TSNARE1: variants seen among roughly 807,000 people sequenced by gnomAD.
The protein encoded by TSNARE1 is t-SNARE domain-containing protein 1.
A neutral mutation model predicts 62.0 loss-of-function variants in TSNARE1; 49 were observed. The observed-to-expected ratio is 0.79, with a 90% CI of 0.63 to 1.00. The LOEUF (loss-of-function observed/expected upper bound fraction) is 1.00. TSNARE1 is among the 50% of genes least tolerant of loss of function. The pLI, the probability that TSNARE1 is intolerant of heterozygous loss-of-function variation, is 0.00. For missense variants in TSNARE1, 755 were observed against 700.1 expected, an observed-to-expected ratio of 1.08 and a Z score of -0.88; for synonymous variants, 328 against 294.4, an observed-to-expected ratio of 1.11 and a Z score of -1.17.
chr8:142,362,229 G>A (rs1038318401), intron 1 of TSNARE1, among the ~76,000 whole-genome samples: 9 of 152,332 alleles, frequency 5.9e-5, no homozygotes, highest in Non-Finnish European at 1.0e-4. Context: ...ACTCCCAGGC[G>A]GGAAGAGACA....
intron 10 of TSNARE1, 36 bp from the exon 11 acceptor site, chr8:142,284,521 G>A: frequency 6.3e-7 from 1 of 1,580,504 alleles, no homozygotes; most frequent in Non-Finnish European, 8.7e-7. Flanking sequence ...CAGGAGCAGG[G>A]CTGTGGGGCA....
At chr8:142,274,716 G>T in intron 12 of TSNARE1, 65 bp downstream of exon 12, 1 of 1,423,972 alleles carries the variant, frequency 7.0e-7, no homozygotes, top group Non-Finnish European at 9.2e-7. Context: ...CAGACGGAGG[G>T]AGGGTTGGAG....
chr8:142,365,764 C>T, intron 1 of TSNARE1: 2 of 257,384 alleles, frequency 7.8e-6, no homozygotes, highest in South Asian at 3.3e-5. Flanking sequence ...AAATTATGTC[C>T]AAAAGTCCTA....
chr8:142,344,123 C>T lies in TSNARE1; in HGVS notation c.588G>A (p.Arg196=), dbSNP rs1340208022. ...HKWRDLRAVV[R]RKLGDLRKAA... is the part of the protein sequence containing the mutation. Reference sequence around the variant, plus strand: ...CCTTCCGGAGGTCGCCCAGCTTGCGCCGCACGACGGCTCGTAGGTCCCGCC... The same window carrying T: ...CCTTCCGGAGGTCGCCCAGCTTGCGTCGCACGACGGCTCGTAGGTCCCGCC... Residue 196 remains arginine (R), a synonymous_variant, in exon 4 of 14, where the codon CGG becomes CGA. Coordinates refer to ENST00000524325, the MANE Select transcript of TSNARE1 (RefSeq NM_145003.5). 1 of 1,612,378 alleles carries T rather than the reference C, an allele frequency of 6.2e-7. No homozygotes were observed. Among genetic ancestry groups the T allele is most frequent in the Non-Finnish European group, 8.5e-7 (1 of 1,179,494 alleles).
chr8:142,392,613 G>A (rs765015887), intron 1 of TSNARE1, among the ~76,000 whole-genome samples: 18 of 152,186 alleles, frequency 1.2e-4, no homozygotes, highest in Non-Finnish European at 1.9e-4. Flanking sequence ...TGACCAAAAC[G>A]TCCTTATGCT....
intron 12 of TSNARE1, among the ~76,000 whole-genome samples, chr8:142,238,110 GC>G (rs1049395825): frequency 2.0e-5 from 3 of 150,930 alleles, no homozygotes; most frequent in African/African-American, 7.3e-5. Context: ...TGCGTTACCC[GC>G]CCCCCCTCCA....
At chr8:142,376,724 A>C (rs1478889671) in intron 1 of TSNARE1, among the ~76,000 whole-genome samples, 1 of 152,150 alleles carries the variant, frequency 6.6e-6, no homozygotes, top group East Asian at 1.9e-4. Flanking sequence ...TGGAGAGCCC[A>C]CCCAGACACG....
intron 9 of TSNARE1, among the ~76,000 whole-genome samples, chr8:142,304,831 A>AG (rs1037309222): frequency 2.6e-5 from 4 of 152,146 alleles, no homozygotes; most frequent in African/African-American, 9.7e-5. Context: ...CGTTCCTCCC[A>AG]GGGGGGACAT....
chr8:142,354,609 C>T (rs745770209), intron 2 of TSNARE1, 28 bp downstream of exon 2: 16 of 1,546,450 alleles, frequency 1.0e-5, no homozygotes, highest in East Asian at 9.0e-5. Context: ...CCCTCCTCCC[C>T]GCCCCCACTT....
At chr8:142,242,243 T>C (rs34014079) in intron 12 of TSNARE1, among the ~76,000 whole-genome samples, 199 of 35,388 alleles carry the variant, frequency 5.6e-3, no homozygotes, top group Middle Eastern at 0.026. Context: ...CTCCATCTCA[T>C]GCCGTATACA....
At chr8:142,357,228 C>G (rs946975955) in intron 1 of TSNARE1, among the ~76,000 whole-genome samples, 1 of 152,342 alleles carries the variant, frequency 6.6e-6, no homozygotes, top group Non-Finnish European at 1.5e-5. Flanking sequence ...AGGGGCCCCT[C>G]ACGCCCCGTG....
chr8:142,217,495 G>GAGCC (rs1815938501), intron 13 of TSNARE1, among the ~76,000 whole-genome samples: 1 of 152,212 alleles, frequency 6.6e-6, no homozygotes, highest in Non-Finnish European at 1.5e-5. Flanking sequence ...CCAGAGGCGA[G>GAGCC]AGCCAGCAGG....
chr8:142,375,369 C>T (rs1030077402), intron 1 of TSNARE1, among the ~76,000 whole-genome samples: 1 of 152,228 alleles, frequency 6.6e-6, no homozygotes, highest in Non-Finnish European at 1.5e-5. Flanking sequence ...AGGTGAGGAG[C>T]GCCACACGTG....
At chr8:142,249,731 G>A (rs1818064778) in intron 12 of TSNARE1, among the ~76,000 whole-genome samples, 1 of 152,192 alleles carries the variant, frequency 6.6e-6, no homozygotes, top group Admixed American at 6.5e-5. Context: ...GCAGTGACAT[G>A]TGCTGTTTCC....
At chr8:142,385,317 G>A (rs1837040138) in intron 1 of TSNARE1, among the ~76,000 whole-genome samples, 1 of 152,176 alleles carries the variant, frequency 6.6e-6, no homozygotes, top group Non-Finnish European at 1.5e-5. Context: ...TGAATATGCA[G>A]CACTTAGGGA....
chr8:142,274,879 A>G lies in TSNARE1; in HGVS notation c.1364-16T>C, dbSNP rs1297428838. The G allele has an allele frequency of 6.5e-7, 1 of 1,531,834 alleles. No homozygotes were observed. The allele number at this position is 1,531,834 out of a possible 1,614,324, so 94.9% of individuals were successfully genotyped here. A position where few individuals can be genotyped will look rare whatever the true frequency, so the allele number is the denominator to read the frequency against. On this transcript the variant is annotated splice_polypyrimidine_tract_variant and intron_variant, in intron 11 of 13. Transcript: ENST00000524325. Reference sequence around the variant, plus strand: ...TCAATACTATCTGCAAATCAAGACAACAGAAGGCAATTACAGATGGAGGCC... The same window carrying G: ...TCAATACTATCTGCAAATCAAGACAGCAGAAGGCAATTACAGATGGAGGCC...
intron 6 of TSNARE1, among the ~76,000 whole-genome samples, chr8:142,329,867 C>T (rs1830760065): frequency 6.6e-6 from 1 of 152,254 alleles, no homozygotes. Context: ...AATAGAACTG[C>T]CCTGAACATC....
intron 12 of TSNARE1, among the ~76,000 whole-genome samples, chr8:142,261,948 A>G (rs199903366): frequency 2.0e-5 from 3 of 152,324 alleles, no homozygotes; most frequent in African/African-American, 7.2e-5. Context: ...CATCTCCCCA[A>G]CAGCCACTCC....
At chr8:142,278,704 CGG>C in intron 11 of TSNARE1, 1 of 985,438 alleles carries the variant, frequency 1.0e-6, no homozygotes, top group Non-Finnish European at 1.2e-6. Flanking sequence ...GCCTGGCTTC[CGG>C]TGGTCCCTGG....
Sources: gnomAD v4.1 joint callset for allele counts (sites outside exome capture counted in the v4.1 genomes callset) on GRCh38, gnomAD v4.1.1 for gene constraint, MANE v1.5 for transcripts, NCBI Gene and HGNC (gene_info 2026-07-23, HGNC 2026-07-21) for gene names.